PRKAG2: variants seen among roughly 807,000 people sequenced by gnomAD.
PRKAG2 encodes the protein 5'-AMP-activated protein kinase subunit gamma-2.
In PRKAG2, 26 loss-of-function variants were observed where a neutral mutation model predicts 69.6. The ratio of observed to expected loss-of-function variants is 0.37; its 90% CI spans 0.27 to 0.52. PRKAG2 has a LOEUF of 0.52. Among genes scored for constraint, PRKAG2 ranks in the 20% least tolerant of loss-of-function variants. The pLI is 0.90. For missense variants in PRKAG2, 557 were observed against 740.0 expected (o/e 0.75, Z 2.87); for synonymous variants, 293 against 285.0 (o/e 1.03, Z -0.28).
intron 6 of PRKAG2, among the ~76,000 whole-genome samples, chr7:151,594,933 G>T (rs867065702): frequency 2.0e-5 from 3 of 152,094 alleles, no homozygotes; most frequent in Admixed American, 6.6e-5. Flanking sequence ...TGAGTAGCTG[G>T]GACTACAGGC....
rs1563756812 is a variant in PRKAG2 at position 151,855,115 on chromosome 7, CACACACACCATCCTCCA to C, written c.114+21375_114+21391del. Among the ~76,000 whole-genome samples, 2 of 52,234 alleles carry C rather than the reference CACACACACCATCCTCCA, an allele frequency of 3.8e-5. 1 individual carries two copies. The highest frequency in any genetic ancestry group is 7.0e-5 in the Non-Finnish European group (2 of 28,726). The allele number at this position is 52,234 out of a possible 152,430, so 34.3% of individuals were successfully genotyped here. On this transcript the variant is annotated intron_variant, in intron 1 of 15. Coordinates refer to ENST00000287878, the MANE Select transcript of PRKAG2 (RefSeq NM_016203.4). ...ACCATCCTCCACACACACCACCCTA[CACACACACCATCCTCCA>C]CACACACCACCCTACACACACACCA...
chr7:151,748,835 G>A (rs552502424), intron 3 of PRKAG2, among the ~76,000 whole-genome samples: 5 of 152,380 alleles, frequency 3.3e-5, no homozygotes, highest in Admixed American at 6.5e-5. Flanking sequence ...CATCCGTGCC[G>A]TGCCACCTGG....
chr7:151,645,005 T>C (rs982624061), intron 4 of PRKAG2, among the ~76,000 whole-genome samples: 2 of 151,810 alleles, frequency 1.3e-5, no homozygotes, highest in Non-Finnish European at 2.9e-5. Flanking sequence ...TTTTGTCTAT[T>C]TATTTATTAG....
intron 1 of PRKAG2, among the ~76,000 whole-genome samples, chr7:151,811,293 T>C (rs1275570834): frequency 6.6e-6 from 1 of 152,208 alleles, no homozygotes; most frequent in Non-Finnish European, 1.5e-5. Context: ...AGCTGCCCCT[T>C]ACTCCTGCAA....
At chr7:151,611,830 G>A (rs1818946522) in intron 5 of PRKAG2, among the ~76,000 whole-genome samples, 1 of 152,186 alleles carries the variant, frequency 6.6e-6, no homozygotes, top group East Asian at 1.9e-4. Flanking sequence ...GAGGCGGGCA[G>A]ATTACTTGAG....
intron 1 of PRKAG2, among the ~76,000 whole-genome samples, chr7:151,855,570 A>ACG (rs71533542): frequency 8.7e-5 from 10 of 114,886 alleles, no homozygotes; most frequent in East Asian, 3.4e-4. Flanking sequence ...CCCTCCACAC[A>ACG]CCACCCTACA....
chr7:151,603,467 C>T lies in PRKAG2; in HGVS notation c.755-8013G>A, dbSNP rs866631953. On this transcript the variant is annotated intron_variant, in intron 5 of 15. Transcript: ENST00000287878. Reference sequence around the variant, plus strand: ...CACGGAGGGACACGCTCCGTCCTCACCGCACACGGAGGCACCCGCTCCGTC... The same window carrying T: ...CACGGAGGGACACGCTCCGTCCTCATCGCACACGGAGGCACCCGCTCCGTC... Among the ~76,000 whole-genome samples, 18 of 62,494 alleles carry T rather than the reference C, an allele frequency of 2.9e-4. 1 individual carries two copies. Among genetic ancestry groups the T allele is most frequent in the African/African-American group, 2.6e-4 (3 of 11,512 alleles). 41.0% of individuals were successfully genotyped at this position (62,494 alleles called of 152,430 possible). A position where few individuals can be genotyped will look rare whatever the true frequency, so the allele number is the denominator to read the frequency against.
intron 1 of PRKAG2, among the ~76,000 whole-genome samples, chr7:151,792,696 C>A (rs978596219): frequency 5.3e-5 from 8 of 152,268 alleles, no homozygotes; most frequent in African/African-American, 1.9e-4. Context: ...TGGCCCCCAC[C>A]TCAGGGCAAA....
intron 15 of PRKAG2, chr7:151,558,676 T>G (rs1563125474): frequency 1.4e-5 from 14 of 983,820 alleles, no homozygotes; most frequent in Non-Finnish European, 1.6e-5. Context: ...AATCGTGTTG[T>G]ATACACTGTA....
intron 1 of PRKAG2, among the ~76,000 whole-genome samples, chr7:151,849,842 C>G (rs563208594): frequency 1.4e-4 from 21 of 152,312 alleles, no homozygotes; most frequent in African/African-American, 4.6e-4. Context: ...CTAAGTACAT[C>G]TGCCAGAGAC....
chr7:151,752,048 G>A (rs770333385), intron 3 of PRKAG2, among the ~76,000 whole-genome samples: 2 of 152,150 alleles, frequency 1.3e-5, no homozygotes, highest in African/African-American at 4.8e-5. Flanking sequence ...GATATGATGG[G>A]GAAAGTCAAA....
In PRKAG2 at chr7:151,836,407, C is replaced by G. The variant is rs1354692990; in HGVS notation, c.114+40100G>C. ...AGGCCAGCTGGTCCAGGCAGCTTCCCTGATCACCGCAGTGACGCTCCTGCT... is the reference window on the plus strand; with the variant it reads ...AGGCCAGCTGGTCCAGGCAGCTTCCGTGATCACCGCAGTGACGCTCCTGCT... On this transcript the variant is annotated intron_variant, in intron 1 of 15. Coordinates refer to ENST00000287878, the MANE Select transcript of PRKAG2 (RefSeq NM_016203.4). This position sits in a 1 kb window ranked among gnomAD's most constrained non-coding sequence, Gnocchi z 4.1. 6.6e-6 allele frequency among the ~76,000 whole-genome samples: 1 copy of G among 152,190 alleles called. No individual in the cohort carries two copies. Among genetic ancestry groups the G allele is most frequent in the East Asian group, 1.9e-4 (1 of 5,186 alleles).
At chr7:151,734,845 ATTCTT>A (rs1254185636) in intron 3 of PRKAG2, among the ~76,000 whole-genome samples, 3 of 122,968 alleles carry the variant, frequency 2.4e-5, no homozygotes, top group African/African-American at 1.0e-4. Flanking sequence ...CCTAAATCTG[ATTCTT>A]TTTTTTTTTT....
rs766745087 is a variant in PRKAG2 at position 151,560,513 on chromosome 7, C to A, written c.1678+11G>T. On this transcript the variant is annotated intron_variant, in intron 15 of 15. Coordinates refer to ENST00000287878, the MANE Select transcript of PRKAG2 (RefSeq NM_016203.4). Reference sequence around the variant, plus strand: ...GACGCCGATGGCAAAGGTCAGAAACCAGCATTTTACCTGCTGGTGTGAGGA... The same window carrying A: ...GACGCCGATGGCAAAGGTCAGAAACAAGCATTTTACCTGCTGGTGTGAGGA... The A allele has an allele frequency of 1.9e-6, 3 of 1,614,116 alleles. No homozygotes were observed. The South Asian group carries it at 3.3e-5, about 18-fold the overall frequency.
At chr7:151,696,603 G>A (rs911820873) in intron 3 of PRKAG2, among the ~76,000 whole-genome samples, 1 of 152,200 alleles carries the variant, frequency 6.6e-6, no homozygotes, top group Non-Finnish European at 1.5e-5. Flanking sequence ...CCCCAGTTAC[G>A]AGAGGTTTCA....
chr7:151,768,623 T>C (rs1283640612), intron 3 of PRKAG2, among the ~76,000 whole-genome samples: 1 of 152,168 alleles, frequency 6.6e-6, no homozygotes, highest in Non-Finnish European at 1.5e-5. Context: ...CATGCCATCA[T>C]ACCTGGCTAA....
At chr7:151,873,976 GATGTAT>G (rs1230681606) in intron 1 of PRKAG2, among the ~76,000 whole-genome samples, 39 of 150,130 alleles carry the variant, frequency 2.6e-4, no homozygotes, top group African/African-American at 7.7e-4. Context: ...ATATGTATAT[GATGTAT>G]ATGTATATGT....
chr7:151,732,098 A>G (rs1799032365), intron 3 of PRKAG2, among the ~76,000 whole-genome samples: 1 of 147,324 alleles, frequency 6.8e-6, no homozygotes, highest in Admixed American at 6.8e-5. Context: ...AACCTACCAA[A>G]GTGTTGGATC....
intron 4 of PRKAG2, among the ~76,000 whole-genome samples, chr7:151,637,788 G>A (rs1427063005): frequency 1.3e-5 from 2 of 150,884 alleles, no homozygotes; most frequent in African/African-American, 4.9e-5. Context: ...ACATTAATGT[G>A]CACAGGGTCA....
Sources: gnomAD v4.1 joint callset for allele counts (sites outside exome capture counted in the v4.1 genomes callset) on GRCh38, gnomAD v4.1.1 for gene constraint, Gnocchi (gnomAD v3.1) non-coding constraint, MANE v1.5 for transcripts, NCBI Gene and HGNC (gene_info 2026-07-23, HGNC 2026-07-21) for gene names.